Variants in PYGM observed in about 807,000 individuals in gnomAD.
PYGM encodes glycogen phosphorylase, muscle form.
Under a neutral mutation model 99.3 loss-of-function variants are expected in PYGM, and 81 were observed. The observed-to-expected ratio is 0.82, with a 90% CI of 0.68 to 0.98. The LOEUF (loss-of-function observed/expected upper bound fraction) is 0.98, where lower values mean the gene tolerates loss of function less well. Among genes scored for constraint, PYGM ranks in the 50% least tolerant of loss-of-function variants. The pLI is 0.00. For missense variants in PYGM, 1,030 were observed against 1,158.1 expected, an observed-to-expected ratio of 0.89 and a Z score of 1.61; for synonymous variants, 436 against 451.5, an observed-to-expected ratio of 0.97 and a Z score of 0.44.
In PYGM at chr11:64,747,378, G is replaced by A. The variant is rs750976683; in HGVS notation, c.2178-20C>T. ...TTGTACCTGCCAGGACAGAGCTGTG[G>A]TCAGCTCCCCGGAAAGGGGTTCCTG... On this transcript the variant is annotated intron_variant, in intron 17 of 19. Coordinates refer to ENST00000164139, the MANE Select transcript of PYGM (RefSeq NM_005609.4). 3 of 1,614,082 alleles carry A rather than the reference G, an allele frequency of 1.9e-6. No homozygotes were observed. Among genetic ancestry groups the A allele is most frequent in the East Asian group, 4.5e-5 (2 of 44,876 alleles).
At chr11:64,758,411 C>T in intron 3 of PYGM, 26 bp downstream of exon 3, 1 of 1,613,568 alleles carries the variant, frequency 6.2e-7, no homozygotes, top group Non-Finnish European at 8.5e-7. Context: ...TCGGCCCACT[C>T]CACCCTCACG....
rs751157254 is a variant in PYGM at position 64,754,314 on chromosome 11, G to A, written c.1031C>T (p.Ser344Phe). ...CCTCATCAGCTCGGGGATGGCCAGG[G>A]AGGGGTGGGTGTCATTGAGCTGGAT... The part of the protein sequence containing the change: ...VAIQLNDTHP[S>F]LAIPELMRIL... Residue 344 changes from serine (S) to phenylalanine (F), a missense_variant, in exon 9 of 20, where the codon TCC becomes TTC. Transcript: ENST00000164139. This position sits in a 1 kb window ranked among gnomAD's most constrained non-coding sequence, Gnocchi z 5.5. 2 of 1,613,550 alleles carry A rather than the reference G, an allele frequency of 1.2e-6. No individual in the cohort carries two copies. Among genetic ancestry groups the A allele is most frequent in the East Asian group, 2.2e-5 (1 of 44,868 alleles).
In PYGM at chr11:64,751,617, T is replaced by C. The variant is rs1198711566; in HGVS notation, c.1807A>G (p.Thr603Ala). 6.2e-7 allele frequency: 1 copy of C among 1,613,944 alleles called. No homozygotes were observed. The highest frequency in any genetic ancestry group is 1.3e-5 in the African/African-American group (1 of 75,026). The stretch of plus-strand genomic sequence containing the variant: ...CTCACCTTCCCTCCAATCATCACAG[T>C]CCGAGGCACAAAAAACTTATTGGGC... ...REPNKFFVPR[T>A]VMIGGKAAPG... Residue 603 changes from threonine (T) to alanine (A), a missense_variant, in exon 15 of 20, where the codon ACT becomes GCT. Transcript: ENST00000164139.
chr11:64,747,566 G>A (rs1251995452), intron 17 of PYGM: 2 of 618,094 alleles, frequency 3.2e-6, no homozygotes, highest in African/African-American at 3.7e-5. Context: ...AAGAAACTGA[G>A]GCCCGGAGGA....
In PYGM at chr11:64,759,701, C is replaced by G. The variant is rs776064700; in HGVS notation, c.198G>C (p.Gly66=). 3.7e-6 allele frequency: 6 copies of G among 1,614,046 alleles called. No homozygotes were observed. The highest frequency in any genetic ancestry group is 5.1e-6 in the Non-Finnish European group (6 of 1,180,030). Residue 66 remains glycine, a synonymous_variant, in exon 1 of 20, where the codon GGG becomes GGC. Transcript: ENST00000164139. ...AGTGCTGCTGCGTGCGGATCCAGCG[C>G]CCCACGAGGTGGTCGCGCACGGTAT... ...LAHTVRDHLV[G]RWIRTQQHYY...
Position 64,752,509 on chromosome 11 carries a change from G to A in PYGM, c.1519-5C>T, listed in dbSNP as rs1006803617. ...GATGAAGTCCTCCCCGATGCGCTATGGGAAGACGGCTCTCAGCCAAGCCCA... is the reference window on the plus strand; with the variant it reads ...GATGAAGTCCTCCCCGATGCGCTATAGGAAGACGGCTCTCAGCCAAGCCCA... On this transcript the variant is annotated splice_polypyrimidine_tract_variant and splice_region_variant and intron_variant, in intron 12 of 19. Transcript: ENST00000164139. The A allele has an allele frequency of 6.2e-7, 1 of 1,612,746 alleles. No homozygotes were observed.
At chr11:64,753,333 A>G in intron 11 of PYGM, 146 bp from the exon 12 acceptor site, 1 of 1,179,870 alleles carries the variant, frequency 8.5e-7, no homozygotes, top group Non-Finnish European at 1.2e-6. Context: ...TGTGTGTAAG[A>G]GGAGGTCATC....
rs770341565 is a variant in PYGM at position 64,758,509 on chromosome 11, G to A, written c.352C>T (p.Leu118=). 1.2e-6 allele frequency: 2 copies of A among 1,614,068 alleles called. No homozygotes were observed. Among genetic ancestry groups the A allele is most frequent in the Admixed American group, 3.3e-5 (2 of 60,018 alleles). Residue 118 remains leucine (L), a synonymous_variant, in exon 3 of 20, where the codon CTG becomes TTG. Transcript: ENST00000164139. ...ATTTCCTCCAGCTCCTCCATGTCCA[G>A]GCCCAGCTGGAGGAGTGAGGGTGAC... ...ACDEATYQLG[L]DMEELEEIEE...
chr11:64,755,228 G>A lies in PYGM; in HGVS notation c.855+45C>T, dbSNP rs756088520. On this transcript the variant is annotated intron_variant, in intron 7 of 19. Transcript: ENST00000164139. This position sits in a 1 kb window ranked among gnomAD's most constrained non-coding sequence, Gnocchi z 4.1. ...TCCCCAGCTCTCCCTGACCCCTGCT[G>A]CCAAGGACTCAGGCTTCCAGCCCCC... The A allele has an allele frequency of 6.3e-7, 1 of 1,582,484 alleles. No homozygotes were observed. The highest frequency in any genetic ancestry group is 8.7e-7 in the Non-Finnish European group (1 of 1,151,760).
intron 2 of PYGM, 26 bp downstream of exon 2, chr11:64,758,577 C>T (rs373094231): frequency 6.2e-6 from 10 of 1,613,378 alleles, no homozygotes; most frequent in Non-Finnish European, 8.5e-6. Context: ...CCCCAGTCCC[C>T]ACGGCTTGCC....
In PYGM at chr11:64,746,933, G is replaced by A. The variant is rs750356895; in HGVS notation, c.2367C>T (p.Ser789=). ...EDYIKCQEKV[S]ALYKNPREWT... ...CAGGACCCCTCACCTTGTACAAGGC[G>A]CTGACTTTCTCCTGGCATTTAATGT... The change falls in exon 19 of 20, where the codon AGC becomes AGT. Residue 789 remains serine, a synonymous_variant. Coordinates refer to ENST00000164139, the MANE Select transcript of PYGM (RefSeq NM_005609.4). 18 of 1,614,194 alleles carry A rather than the reference G, an allele frequency of 1.1e-5. No individual in the cohort carries two copies. Among genetic ancestry groups the A allele is most frequent in the Non-Finnish European group, 1.4e-5 (17 of 1,180,028 alleles).
intron 17 of PYGM, among the ~76,000 whole-genome samples, chr11:64,749,598 C>T (rs1236157595): frequency 4.1e-5 from 6 of 147,652 alleles, no homozygotes; most frequent in Admixed American, 2.7e-4. Flanking sequence ...GCCAAGATCG[C>T]GCCACTGCAC....
intron 15 of PYGM, 59 bp from the exon 16 acceptor site, chr11:64,751,525 A>C: frequency 6.2e-7 from 1 of 1,614,094 alleles, no homozygotes; most frequent in African/African-American, 1.3e-5. Flanking sequence ...CCTATCCTGC[A>C]ACTCAGCTGG....
Position 64,751,955 on chromosome 11 carries a change from G to T in PYGM, c.1737C>A (p.Leu579=). The T allele has an allele frequency of 6.2e-7, 1 of 1,614,200 alleles. No individual in the cohort carries two copies. The highest frequency in any genetic ancestry group is 8.5e-7 in the Non-Finnish European group (1 of 1,180,038). The part of the protein sequence containing the change: ...KRIHEYKRQL[L]NCLHVITLYN... The stretch of plus-strand genomic sequence containing the variant: ...ACAGGGTGATGACATGGAGGCAGTT[G>T]AGGAGCTGTCGTTTATATTCGTGAA... The change falls in exon 14 of 20, where the codon CTC becomes CTA. Residue 579 remains leucine, a synonymous_variant. Coordinates refer to ENST00000164139, the MANE Select transcript of PYGM (RefSeq NM_005609.4).
upstream of PYGM, chr11:64,760,097 G>A: frequency 1.2e-6 from 1 of 824,544 alleles, no homozygotes; most frequent in Non-Finnish European, 1.8e-6. Context: ...GGGGAGGAGA[G>A]GAGAGGGGAG....
In PYGM at chr11:64,751,595, A is replaced by C. The variant is rs762608908; in HGVS notation, c.1827+2T>G. The C allele has an allele frequency of 6.2e-7, 1 of 1,613,928 alleles. No homozygotes were observed. The highest frequency in any genetic ancestry group is 8.5e-7 in the Non-Finnish European group (1 of 1,179,914). On this transcript the variant is annotated splice_donor_variant, in intron 15 of 19. Transcript: ENST00000164139. LOFTEE classifies it high-confidence loss of function. The stretch of plus-strand genomic sequence containing the variant: ...GCCCAGGGCTGGAGCCTGGCTTCTC[A>C]CCTTCCCTCCAATCATCACAGTCCG...
rs773082010 is a variant in PYGM, at chr11:64,753,866, C to G, written c.1239+13G>C. ...CCTCACCCCCACACCATCCCCCAAGCCTCCGGACTCACGTTGAGGAAGCGC... is the reference window on the plus strand; with the variant it reads ...CCTCACCCCCACACCATCCCCCAAGGCTCCGGACTCACGTTGAGGAAGCGC... On this transcript the variant is annotated intron_variant, in intron 10 of 19. Transcript: ENST00000164139. 35 of 1,562,862 alleles carry G rather than the reference C, an allele frequency of 2.2e-5. No individual in the cohort carries two copies. The South Asian group carries it at 4.0e-4, about 18-fold the overall frequency.
Position 64,751,315 on chromosome 11 carries a change from C to T in PYGM, c.1969+10G>A, listed in dbSNP as rs2058353905. Reference sequence around the variant, plus strand: ...AGAGCCTCCCTAGGGTCCCTGTTGGCAGCACCCACCTTTCTCGGCCAGTGA... The same window carrying T: ...AGAGCCTCCCTAGGGTCCCTGTTGGTAGCACCCACCTTTCTCGGCCAGTGA... On this transcript the variant is annotated intron_variant, in intron 16 of 19. Transcript: ENST00000164139. 1 of 1,614,116 alleles carries T rather than the reference C, an allele frequency of 6.2e-7. No individual in the cohort carries two copies.
In PYGM at chr11:64,754,369, C is replaced by G. The variant is rs145137965; in HGVS notation, c.1000-24G>C. 2.4e-4 allele frequency: 378 copies of G among 1,560,310 alleles called. 1 individual carries two copies. The African/African-American group carries it at 4.7e-3, about 19-fold the overall frequency. On this transcript the variant is annotated intron_variant, in intron 8 of 19. Transcript: ENST00000164139. This position sits in a 1 kb window ranked among gnomAD's most constrained non-coding sequence, Gnocchi z 5.5. ...ACCTGGGGTAGGGGGAGGGGTCAGT[C>G]TGGGCTCCAAACCACATTCCATGCT...
Sources: allele counts gnomAD v4.1 joint callset (sites outside exome capture counted in the v4.1 genomes callset), GRCh38; gene constraint gnomAD v4.1.1; non-coding constraint Gnocchi (gnomAD v3.1); transcripts MANE v1.5; gene names NCBI Gene and HGNC (gene_info 2026-07-23, HGNC 2026-07-21).